Variants in NRXN3 observed in about 807,000 individuals in gnomAD.
NRXN3 encodes neurexin III.
A neutral mutation model predicts 137.6 loss-of-function variants in NRXN3; 32 were observed. The ratio of observed to expected loss-of-function variants is 0.23; its 90% confidence interval spans 0.18 to 0.31. NRXN3 has a LOEUF of 0.31. Ranked by LOEUF, NRXN3 falls within the 10% of genes least tolerant of loss-of-function variation. NRXN3 has a pLI of 1.00. For synonymous variants in NRXN3, 798 were observed against 784.5 expected (o/e 1.02, Z -0.29); for missense variants, 1,574 against 2,062.5 (o/e 0.76, Z 4.59).
chr14:78,567,223 G>A (rs1398441366), intron 4 of NRXN3, among the ~76,000 whole-genome samples: 1 of 152,250 alleles, frequency 6.6e-6, no homozygotes, highest in Non-Finnish European at 1.5e-5. Context: ...CAACCAGGAA[G>A]CAGCAGAAAA....
chr14:79,742,130 A>G (rs1429951369), intron 19 of NRXN3, among the ~76,000 whole-genome samples: 1 of 152,160 alleles, frequency 6.6e-6, no homozygotes, highest in Non-Finnish European at 1.5e-5. Flanking sequence ...AGACAGAAAA[A>G]TGTATGAAAT....
intron 20 of NRXN3, among the ~76,000 whole-genome samples, chr14:79,821,192 G>A (rs144005856): frequency 2.0e-5 from 3 of 152,284 alleles, no homozygotes; most frequent in East Asian, 1.9e-4. Flanking sequence ...ACTATTGATG[G>A]CCTGACAAGG....
chr14:79,533,502 T>A (rs1227953181), intron 16 of NRXN3, among the ~76,000 whole-genome samples: 2 of 152,206 alleles, frequency 1.3e-5, no homozygotes, highest in African/African-American at 4.8e-5. Context: ...GATCCCTTTT[T>A]TGGTAGTGAA....
chr14:78,354,057 T>C (rs1463139330), intron 4 of NRXN3, among the ~76,000 whole-genome samples: 1 of 152,256 alleles, frequency 6.6e-6, no homozygotes, highest in Non-Finnish European at 1.5e-5. Context: ...GTTCACACTG[T>C]AGCTTTAGGT....
chr14:79,101,130 A>G (rs2051211237), intron 15 of NRXN3, among the ~76,000 whole-genome samples: 1 of 152,194 alleles, frequency 6.6e-6, no homozygotes, highest in African/African-American at 2.4e-5. Context: ...GCTGTTTCCC[A>G]TTCCTTGCTC....
intron 19 of NRXN3, among the ~76,000 whole-genome samples, chr14:79,775,327 T>C (rs2099093283): frequency 6.6e-6 from 1 of 152,148 alleles, no homozygotes; most frequent in Admixed American, 6.5e-5. Context: ...GGGATAATTC[T>C]AGGTATCCTG....
chr14:79,718,484 A>G (rs2098831227), intron 19 of NRXN3, among the ~76,000 whole-genome samples: 1 of 152,234 alleles, frequency 6.6e-6, no homozygotes, highest in Admixed American at 6.5e-5. Context: ...TGTTTTTTAA[A>G]GATTACTCTG....
intron 4 of NRXN3, among the ~76,000 whole-genome samples, chr14:78,523,762 A>G (rs1405108023): frequency 7.4e-6 from 1 of 135,728 alleles, no homozygotes; most frequent in East Asian, 2.2e-4. Context: ...GCTTGCAGTG[A>G]GCTGAGATCG....
chr14:79,719,898 A>G (rs1462606068), intron 19 of NRXN3, among the ~76,000 whole-genome samples: 1 of 152,152 alleles, frequency 6.6e-6, no homozygotes, highest in Non-Finnish European at 1.5e-5. Flanking sequence ...TGTATTTCAA[A>G]TGCTTAGAAT....
In NRXN3 at chr14:79,864,081, C is replaced by G. The variant is rs1010246417; in HGVS notation, c.*2117C>G. On this transcript the variant is annotated 3_prime_UTR_variant, in exon 21 of 21. Transcript: ENST00000335750. ...ATTTTAGATAACCTAAACGGCCCAG[C>G]CTATACGAAGTTGATTATATCTCGA... is the stretch of plus-strand genomic sequence containing the variant. 3 of 152,528 alleles carry G rather than the reference C, an allele frequency of 2.0e-5. No individual in the cohort carries two copies. Among genetic ancestry groups the G allele is most frequent in the Non-Finnish European group, 2.9e-5 (2 of 68,020 alleles). 9.4% of individuals were successfully genotyped at this position (152,528 alleles called of 1,614,324 possible). A position where few individuals can be genotyped will look rare whatever the true frequency, so the allele number is the denominator to read the frequency against.
intron 15 of NRXN3, among the ~76,000 whole-genome samples, chr14:79,403,978 G>A (rs2095261239): frequency 6.6e-6 from 1 of 152,130 alleles, no homozygotes; most frequent in African/African-American, 2.4e-5. Context: ...TAAAAGTTTT[G>A]TTGGAAAAGT....
chr14:79,113,420 C>G (rs949138159), intron 15 of NRXN3, among the ~76,000 whole-genome samples: 1 of 152,156 alleles, frequency 6.6e-6, no homozygotes, highest in Admixed American at 6.5e-5. Flanking sequence ...TCAATTACCC[C>G]CTCTTGACTT....
chr14:78,664,438 A>G (rs1485006667), intron 6 of NRXN3, among the ~76,000 whole-genome samples: 1 of 152,194 alleles, frequency 6.6e-6, no homozygotes, highest in African/African-American at 2.4e-5. Flanking sequence ...GACATACTCA[A>G]AATCACTTCT....
intron 10 of NRXN3, among the ~76,000 whole-genome samples, chr14:78,933,124 G>A (rs2099326935): frequency 6.6e-6 from 1 of 152,208 alleles, no homozygotes; most frequent in Non-Finnish European, 1.5e-5. Flanking sequence ...CTGAAATGAT[G>A]AAGTTACTTC....
intron 16 of NRXN3, among the ~76,000 whole-genome samples, chr14:79,516,927 T>TA (rs2096992042): frequency 6.6e-6 from 1 of 152,208 alleles, no homozygotes; most frequent in Non-Finnish European, 1.5e-5. Context: ...TTACAAATAA[T>TA]ACTGCAGGTA....
At chr14:78,238,881 A>G (rs1225745797) in intron 1 of NRXN3, among the ~76,000 whole-genome samples, 3 of 152,230 alleles carry the variant, frequency 2.0e-5, no homozygotes, top group African/African-American at 4.8e-5. Context: ...TGTGGCCCCG[A>G]CAAAGCAGGC....
At chr14:78,701,323 G>A (rs1000116815) in intron 6 of NRXN3, among the ~76,000 whole-genome samples, 3 of 152,166 alleles carry the variant, frequency 2.0e-5, no homozygotes, top group African/African-American at 7.2e-5. Context: ...ATAAATACTT[G>A]TTAAAGCCTA....
chr14:79,257,414 GAT>G (rs1229827190), intron 15 of NRXN3, among the ~76,000 whole-genome samples: 6 of 63,864 alleles, frequency 9.4e-5, no homozygotes, highest in African/African-American at 1.8e-4. Flanking sequence ...TGGTGGTGGT[GAT>G]GGTGGTGATG....
chr14:78,514,442 G>A (rs1156284734), intron 4 of NRXN3, among the ~76,000 whole-genome samples: 2 of 152,070 alleles, frequency 1.3e-5, no homozygotes, highest in Non-Finnish European at 2.9e-5. Flanking sequence ...ACAAAGTTTA[G>A]CAGATGAGTA....
Sources: allele counts gnomAD v4.1 joint callset (sites outside exome capture counted in the v4.1 genomes callset), GRCh38; gene constraint gnomAD v4.1.1; transcripts MANE v1.5; gene names NCBI Gene and HGNC (gene_info 2026-07-23, HGNC 2026-07-21).